INSYN2B: variants seen among roughly 807,000 people sequenced by gnomAD.
INSYN2B encodes the protein protein INSYN2B.
In INSYN2B, 16 loss-of-function variants were observed where a neutral mutation model predicts 41.2. That is an observed-to-expected ratio of 0.39 (90% confidence interval 0.26 to 0.59). The LOEUF is 0.59. Among genes scored for constraint, INSYN2B ranks in the 20% least tolerant of loss-of-function variants. The pLI, the probability that INSYN2B is intolerant of heterozygous loss-of-function variation, is 0.57. For synonymous variants in INSYN2B, 245 were observed against 244.4 expected (o/e 1.00, Z -0.02); for missense variants, 608 against 646.4 (o/e 0.94, Z 0.64).
chr5:169,957,844 C>T (rs1035843852), intron 1 of INSYN2B, among the ~76,000 whole-genome samples: 4 of 152,170 alleles, frequency 2.6e-5, no homozygotes, highest in African/African-American at 7.2e-5. Flanking sequence ...TGCTCCCCAC[C>T]TGCATTGCCT....
chr5:169,907,927 C>G (rs1238927683), intron 1 of INSYN2B, among the ~76,000 whole-genome samples: 1 of 152,232 alleles, frequency 6.6e-6, no homozygotes, highest in Non-Finnish European at 1.5e-5. Context: ...GTAAACATCT[C>G]TTGTGCAGGC....
chr5:169,895,833 C>T (rs1350507058), intron 1 of INSYN2B, among the ~76,000 whole-genome samples: 1 of 152,194 alleles, frequency 6.6e-6, no homozygotes, highest in East Asian at 1.9e-4. Flanking sequence ...GCATTTGGCT[C>T]ACATAACGCA....
At chr5:169,950,039 C>T (rs975149355) in intron 1 of INSYN2B, among the ~76,000 whole-genome samples, 1 of 152,168 alleles carries the variant, frequency 6.6e-6, no homozygotes, top group Non-Finnish European at 1.5e-5. Context: ...AGATGCTTCC[C>T]ACTGAGGGAT....
At chr5:169,937,617 T>G in intron 1 of INSYN2B, among the ~76,000 whole-genome samples, 1 of 142,024 alleles carries the variant, frequency 7.0e-6, no homozygotes, top group African/African-American at 2.6e-5. Context: ...TTTAATCCCA[T>G]AACAACCTAT....
intron 1 of INSYN2B, among the ~76,000 whole-genome samples, chr5:169,893,296 G>T (rs2113547877): frequency 6.6e-6 from 1 of 152,222 alleles, no homozygotes; most frequent in East Asian, 1.9e-4. Context: ...CTTTCTCCAG[G>T]GGAAAGCCTT....
intron 3 of INSYN2B, among the ~76,000 whole-genome samples, chr5:169,865,043 C>T (rs1000170798): frequency 4.6e-5 from 7 of 152,216 alleles, no homozygotes; most frequent in African/African-American, 7.2e-5. Context: ...CAATATATTA[C>T]GTCTTGCTCT....
At chr5:169,900,003 T>G (rs1773830901) in intron 1 of INSYN2B, among the ~76,000 whole-genome samples, 1 of 152,124 alleles carries the variant, frequency 6.6e-6, no homozygotes, top group South Asian at 2.1e-4. Flanking sequence ...CACTTCAGGG[T>G]CTCCAGCACT....
intron 1 of INSYN2B, among the ~76,000 whole-genome samples, chr5:169,889,565 T>C (rs1322666770): frequency 6.6e-6 from 1 of 152,234 alleles, no homozygotes; most frequent in African/African-American, 2.4e-5. Context: ...AATTCTGCCT[T>C]ACATAACAGG....
intron 1 of INSYN2B, among the ~76,000 whole-genome samples, chr5:169,894,661 C>CCCAAT (rs1773492968): frequency 6.6e-6 from 1 of 152,176 alleles, no homozygotes; most frequent in Non-Finnish European, 1.5e-5. Flanking sequence ...CATTAAAGAG[C>CCCAAT]CCACTCTTCA....
intron 1 of INSYN2B, among the ~76,000 whole-genome samples, chr5:169,942,007 T>C (rs957886715): frequency 1.3e-5 from 2 of 152,242 alleles, no homozygotes; most frequent in Admixed American, 6.5e-5. Context: ...TGTTCTGTAG[T>C]TGCAAAATAA....
chr5:169,881,183 A>G (rs756671711), intron 3 of INSYN2B, among the ~76,000 whole-genome samples, 185 bp downstream of exon 3: 2 of 152,220 alleles, frequency 1.3e-5, no homozygotes, highest in Admixed American at 1.3e-4. Flanking sequence ...TCAAAAGGGT[A>G]TGCTCATAGA....
intron 1 of INSYN2B, among the ~76,000 whole-genome samples, chr5:169,901,268 T>TA (rs954072371): frequency 5.9e-5 from 9 of 152,116 alleles, no homozygotes; most frequent in African/African-American, 2.2e-4. Context: ...TTGTAACAGC[T>TA]AAAGGAAAGG....
At position 169,862,932 on chromosome 5, in the gene INSYN2B, A is replaced by G. The variant is rs895215722; in HGVS notation, c.*1341T>C. 1.3e-5 allele frequency among the ~76,000 whole-genome samples: 2 copies of G among 152,216 alleles called. No homozygotes were observed. Among genetic ancestry groups the G allele is most frequent in the Non-Finnish European group, 2.9e-5 (2 of 68,032 alleles). On this transcript the variant is annotated 3_prime_UTR_variant, in exon 4 of 4. Transcript: ENST00000377365. ...ACAAAATACCTTCTTCGTTTAATGT[A>G]TGTTTAGTTTCAGGCTCCCTTTCTA...
intron 1 of INSYN2B, among the ~76,000 whole-genome samples, chr5:169,903,501 T>C (rs1417455981): frequency 7.1e-6 from 1 of 140,332 alleles, no homozygotes; most frequent in Non-Finnish European, 1.5e-5. Flanking sequence ...TATTGTGAGC[T>C]TGGAAGAGAG....
At chr5:169,965,314 C>T (rs910152471) in intron 1 of INSYN2B, among the ~76,000 whole-genome samples, 2 of 152,222 alleles carry the variant, frequency 1.3e-5, no homozygotes, top group East Asian at 1.9e-4. Context: ...TTCTAAGAAG[C>T]TCCCAGGTGA....
chr5:169,929,358 C>G (rs1358592252), intron 1 of INSYN2B, among the ~76,000 whole-genome samples: 1 of 152,078 alleles, frequency 6.6e-6, no homozygotes, highest in South Asian at 2.1e-4. Flanking sequence ...GCTTTTTACA[C>G]GTAGATTTTC....
At chr5:169,872,057 C>G (rs1488790339) in intron 3 of INSYN2B, among the ~76,000 whole-genome samples, 2 of 152,208 alleles carry the variant, frequency 1.3e-5, no homozygotes, top group Non-Finnish European at 2.9e-5. Flanking sequence ...CTGCCATCAA[C>G]TACACTCTAA....
chr5:169,865,174 C>T (rs764242589), intron 3 of INSYN2B, among the ~76,000 whole-genome samples: 8 of 152,200 alleles, frequency 5.3e-5, no homozygotes, highest in Non-Finnish European at 1.0e-4. Flanking sequence ...CATTCCCAAC[C>T]TCTTTTTCGT....
At chr5:169,926,998 C>G (rs1398537406) in intron 1 of INSYN2B, among the ~76,000 whole-genome samples, 1 of 152,200 alleles carries the variant, frequency 6.6e-6, no homozygotes, top group Admixed American at 6.5e-5. Flanking sequence ...GATAACATCT[C>G]TCTGACATTT....
Sources: gnomAD v4.1 joint callset for allele counts (sites outside exome capture counted in the v4.1 genomes callset) on GRCh38, gnomAD v4.1.1 for gene constraint, MANE v1.5 for transcripts, NCBI Gene and HGNC (gene_info 2026-07-23, HGNC 2026-07-21) for gene names.